The following PCDHA3 variants were observed in gnomAD, a reference collection of about 807,000 sequenced individuals.
PCDHA3 encodes the protein protocadherin alpha-3.
A neutral mutation model predicts 62.2 loss-of-function variants in PCDHA3; 41 were observed. The ratio of observed to expected loss-of-function variants is 0.66; its 90% CI spans 0.51 to 0.86. The LOEUF (loss-of-function observed/expected upper bound fraction) is 0.86. PCDHA3 is among the 40% of genes least tolerant of loss of function. The pLI is 0.00. For synonymous variants in PCDHA3, 640 were observed against 555.4 expected (o/e 1.15, Z -2.14); for missense variants, 1,304 against 1,241.2 (o/e 1.05, Z -0.76).
At chr5:140,927,527 C>G in intron 1 of PCDHA3, 1 of 1,614,084 alleles carries the variant, frequency 6.2e-7, no homozygotes, top group African/African-American at 1.3e-5. Context: ...GGGCTACCTG[C>G]CCGCTCAGGA....
chr5:140,925,330 A>G (rs1459062876), intron 1 of PCDHA3, among the ~76,000 whole-genome samples: 2 of 152,132 alleles, frequency 1.3e-5, no homozygotes, highest in African/African-American at 4.8e-5. Context: ...CCTGTATTAA[A>G]AGAAGGATTT....
intron 1 of PCDHA3, among the ~76,000 whole-genome samples, chr5:140,901,318 T>A (rs1337437902): frequency 6.6e-6 from 1 of 152,202 alleles, no homozygotes; most frequent in African/African-American, 2.4e-5. Flanking sequence ...TTCCCCAATG[T>A]TTTCTTGTAG....
At chr5:140,838,280 A>ATT (rs2150286950) in intron 1 of PCDHA3, among the ~76,000 whole-genome samples, 8,551 of 139,516 alleles carry the variant, frequency 0.061, 861 homozygotes, top group African/African-American at 0.2. Flanking sequence ...AGCCATGCTA[A>ATT]TTTTTTTTTT....
intron 1 of PCDHA3, chr5:140,966,610 C>A: frequency 1.4e-6 from 1 of 715,490 alleles, no homozygotes; most frequent in Non-Finnish European, 2.1e-6. Context: ...CTTGGGAGGG[C>A]CTACGGAGGG....
intron 1 of PCDHA3, chr5:140,854,181 AGTTT>A (rs1554147112): frequency 9.2e-6 from 4 of 434,258 alleles, no homozygotes; most frequent in Non-Finnish European, 1.2e-5. Flanking sequence ...AAAAAAGAGT[AGTTT>A]AACTACTCCC....
intron 1 of PCDHA3, among the ~76,000 whole-genome samples, chr5:140,900,090 A>G (rs1370301453): frequency 6.6e-6 from 1 of 152,152 alleles, no homozygotes; most frequent in Non-Finnish European, 1.5e-5. Context: ...AGTTACAAGC[A>G]TGCGCCACCA....
At chr5:140,814,785 GTTGTTATACAA>G (rs1765589219) in intron 1 of PCDHA3, 1 of 152,126 alleles carries the variant, frequency 6.6e-6, no homozygotes, top group Non-Finnish European at 1.5e-5. Context: ...TGGTTGAAAC[GTTGTTATACAA>G]CACTTGACTT....
intron 1 of PCDHA3, chr5:140,930,518 T>G (rs782236970): frequency 3.3e-5 from 5 of 152,592 alleles, no homozygotes; most frequent in Non-Finnish European, 5.9e-5. Flanking sequence ...CCACTGCAGC[T>G]GGCCCTCAAA....
chr5:140,841,339 A>T, intron 1 of PCDHA3: 1 of 1,610,480 alleles, frequency 6.2e-7, no homozygotes, highest in Non-Finnish European at 8.5e-7. Flanking sequence ...ATCACTGGCG[A>T]GGAGAGCTGG....
At chr5:140,853,843 C>T (rs2042882869) in intron 1 of PCDHA3, 1 of 986,310 alleles carries the variant, frequency 1.0e-6, no homozygotes, top group African/African-American at 1.8e-5. Flanking sequence ...ATTTTAGATC[C>T]ATAGCCCTAT....
intron 1 of PCDHA3, among the ~76,000 whole-genome samples, chr5:140,893,163 T>C (rs557235731): frequency 6.6e-6 from 1 of 152,354 alleles, no homozygotes; most frequent in African/African-American, 2.4e-5. Flanking sequence ...GATATTGAGG[T>C]TGATTCCACA....
chr5:140,902,637 C>T (rs1554190530), intron 1 of PCDHA3, among the ~76,000 whole-genome samples: 1 of 151,910 alleles, frequency 6.6e-6, no homozygotes, highest in Non-Finnish European at 1.5e-5. Context: ...GTGGTGATTT[C>T]TGAGATTTTG....
intron 1 of PCDHA3, chr5:140,863,555 T>A (rs2153224638): frequency 2.6e-6 from 1 of 378,382 alleles, no homozygotes; most frequent in East Asian, 6.5e-5. Flanking sequence ...CAATAGGAAA[T>A]TTTTGAGAAT....
intron 1 of PCDHA3, chr5:140,869,303 C>T (rs1403563775): frequency 6.2e-7 from 1 of 1,613,586 alleles, no homozygotes; most frequent in Non-Finnish European, 8.5e-7. Flanking sequence ...TTCCGGGTGG[C>T]GTCCAAAACA....
At chr5:140,963,032 T>G (rs541613535) in intron 1 of PCDHA3, among the ~76,000 whole-genome samples, 2 of 152,172 alleles carry the variant, frequency 1.3e-5, no homozygotes, top group African/African-American at 2.4e-5. Flanking sequence ...CAATTAACAT[T>G]TATTGAGAGT....
At chr5:140,884,390 T>C in intron 1 of PCDHA3, 7 of 1,613,968 alleles carry the variant, frequency 4.3e-6, no homozygotes, top group Middle Eastern at 1.6e-4. Context: ...CTGCGCGGTG[T>C]CCAGCCTGTT....
intron 1 of PCDHA3, among the ~76,000 whole-genome samples, chr5:140,909,874 T>G (rs778631778): frequency 2.6e-4 from 39 of 152,184 alleles, no homozygotes; most frequent in Admixed American, 5.2e-4. Context: ...CAACGTCAGC[T>G]TAGAGACACT....
At chr5:140,925,989 G>A (rs2082853255) in intron 1 of PCDHA3, among the ~76,000 whole-genome samples, 1 of 152,212 alleles carries the variant, frequency 6.6e-6, no homozygotes, top group East Asian at 1.9e-4. Context: ...GAGCTCGCTG[G>A]CTCCGCTGCC....
intron 1 of PCDHA3, chr5:140,851,075 A>C: frequency 7.4e-7 from 1 of 1,344,688 alleles, no homozygotes; most frequent in South Asian, 2.1e-5. Flanking sequence ...GAGAATTATA[A>C]ACTGTATATT....
Sources: allele counts gnomAD v4.1 joint callset (sites outside exome capture counted in the v4.1 genomes callset), GRCh38; gene constraint gnomAD v4.1.1; transcripts MANE v1.5; gene names NCBI Gene and HGNC (gene_info 2026-07-23, HGNC 2026-07-21).